CHN2: variants seen among roughly 807,000 people sequenced by gnomAD.
The protein encoded by CHN2 is chimerin 2.
CHN2 carries 35 observed loss-of-function variants against 56.3 expected under a neutral mutation model. The ratio of observed to expected loss-of-function variants is 0.62; its 90% CI spans 0.47 to 0.82. The LOEUF is 0.82. Ranked by LOEUF, CHN2 falls within the 40% of genes least tolerant of loss-of-function variation. CHN2 has a pLI of 0.00. For synonymous variants in CHN2, 210 were observed against 212.8 expected (o/e 0.99, Z 0.12); for missense variants, 491 against 580.5 (o/e 0.85, Z 1.58).
At chr7:29,248,698 T>C (rs1293406820) in intron 1 of CHN2, among the ~76,000 whole-genome samples, 1 of 152,214 alleles carries the variant, frequency 6.6e-6, no homozygotes, top group Non-Finnish European at 1.5e-5. Context: ...CTTACTTTTT[T>C]CCCAGTGCTT....
intron 6 of CHN2, among the ~76,000 whole-genome samples, chr7:29,471,447 C>G (rs1344967363): frequency 6.6e-6 from 1 of 152,186 alleles, no homozygotes; most frequent in East Asian, 1.9e-4. Context: ...AGGACAGCAA[C>G]TGTAGCATTG....
chr7:29,475,763 A>C lies in CHN2; in HGVS notation c.577-4516A>C, dbSNP rs554693270. ...GCTAAGTGAAATATCTAAAGAAAAA[A>C]GAAGCAGCCAGATATCAAAACCCAT... is the stretch of plus-strand genomic sequence containing the variant. On this transcript the variant is annotated intron_variant, in intron 6 of 12. Transcript: ENST00000222792. 2.0e-5 allele frequency among the ~76,000 whole-genome samples: 3 copies of C among 152,362 alleles called. No individual in the cohort carries two copies. In the East Asian group the frequency reaches 5.8e-4, roughly 29 times the overall value.
At chr7:29,356,373 A>G (rs1469787853) in intron 2 of CHN2, among the ~76,000 whole-genome samples, 1 of 152,224 alleles carries the variant, frequency 6.6e-6, no homozygotes, top group Non-Finnish European at 1.5e-5. Flanking sequence ...AAGCAATACA[A>G]AGCTACATAA....
intron 1 of CHN2, among the ~76,000 whole-genome samples, chr7:29,340,013 A>G (rs1388529208): frequency 6.6e-6 from 1 of 152,210 alleles, no homozygotes; most frequent in Non-Finnish European, 1.5e-5. Context: ...TAAAGTGTCC[A>G]GTGGCAGCAT....
chr7:29,414,661 C>G (rs139180685), intron 6 of CHN2, among the ~76,000 whole-genome samples: 1,666 of 152,218 alleles, frequency 0.011, 34 homozygotes, highest in African/African-American at 0.038. Context: ...TTTCTTGTCA[C>G]CCTGTCCCCC....
intron 1 of CHN2, among the ~76,000 whole-genome samples, chr7:29,285,489 C>A (rs563543590): frequency 6.6e-6 from 1 of 152,208 alleles, no homozygotes; most frequent in South Asian, 2.1e-4. Flanking sequence ...ACATAAAATA[C>A]GGCAAGCCTA....
At chr7:29,379,976 A>T (rs1800365314) in intron 3 of CHN2, among the ~76,000 whole-genome samples, 1 of 152,212 alleles carries the variant, frequency 6.6e-6, no homozygotes, top group Non-Finnish European at 1.5e-5. Flanking sequence ...GTAAAAAAAA[A>T]ATTAATAGAG....
At chr7:29,181,718 A>G (rs980426855) in intron 2 of CHN2, among the ~76,000 whole-genome samples, 1 of 152,242 alleles carries the variant, frequency 6.6e-6, no homozygotes, top group Non-Finnish European at 1.5e-5. Flanking sequence ...GAAAAACTAA[A>G]TAAAGTAGAC....
At chr7:29,265,793 C>G (rs1469514321) in intron 1 of CHN2, among the ~76,000 whole-genome samples, 1 of 152,066 alleles carries the variant, frequency 6.6e-6, no homozygotes, top group Non-Finnish European at 1.5e-5. Flanking sequence ...TACTGTAGTA[C>G]AGAGAGCATC....
At chr7:29,213,030 A>G (rs552120511) in intron 1 of CHN2, 2 of 1,600,626 alleles carry the variant, frequency 1.2e-6, no homozygotes, top group South Asian at 1.1e-5. Flanking sequence ...ATAACTGTGG[A>G]GAGGAATCTC....
chr7:29,166,336 G>A (rs1466074160), intron 2 of CHN2, among the ~76,000 whole-genome samples: 1 of 152,154 alleles, frequency 6.6e-6, no homozygotes, highest in Non-Finnish European at 1.5e-5. Context: ...AACATGGATA[G>A]CAAAGTGTTT....
intron 6 of CHN2, among the ~76,000 whole-genome samples, chr7:29,450,721 G>A (rs1784345203): frequency 6.6e-6 from 1 of 152,098 alleles, no homozygotes; most frequent in African/African-American, 2.4e-5. Flanking sequence ...AGCAGCCACA[G>A]AAAACTAATA....
intron 1 of CHN2, among the ~76,000 whole-genome samples, chr7:29,334,049 CTTTTTTTTTTTTTT>C (rs70980529): frequency 8.1e-6 from 1 of 123,138 alleles, no homozygotes; most frequent in Non-Finnish European, 1.7e-5. Context: ...AATTTCTTTT[CTTTTTTTTTTTTTT>C]TTTTTTGAGA....
At chr7:29,511,309 G>A (rs141155299) in intron 12 of CHN2, among the ~76,000 whole-genome samples, 1 of 149,240 alleles carries the variant, frequency 6.7e-6, no homozygotes, top group East Asian at 2.0e-4. Flanking sequence ...AGGAGTGCAA[G>A]TAATTTTTAG....
chr7:29,273,349 A>ATGTG (rs1562881828), intron 1 of CHN2, among the ~76,000 whole-genome samples: 13 of 58,508 alleles, frequency 2.2e-4, no homozygotes, highest in African/African-American at 5.2e-4. Flanking sequence ...ATGTGTATAT[A>ATGTG]TATATATATA....
At chr7:29,232,077 T>C (rs1239610600) in intron 1 of CHN2, among the ~76,000 whole-genome samples, 1 of 152,166 alleles carries the variant, frequency 6.6e-6, no homozygotes, top group Non-Finnish European at 1.5e-5. Flanking sequence ...AGGGCACGCT[T>C]TGACTACTGA....
intron 2 of CHN2, among the ~76,000 whole-genome samples, chr7:29,154,286 G>A (rs1452877043): frequency 6.6e-6 from 1 of 152,160 alleles, no homozygotes; most frequent in East Asian, 1.9e-4. Context: ...CAACAGCAGT[G>A]TAAATGCTGG....
At chr7:29,326,076 C>T (rs1795777298) in intron 1 of CHN2, among the ~76,000 whole-genome samples, 1 of 152,170 alleles carries the variant, frequency 6.6e-6, no homozygotes, top group Admixed American at 6.5e-5. Context: ...GGCTGTGTGT[C>T]CTATATGCAA....
At chr7:29,290,334 T>C (rs1194314234) in intron 1 of CHN2, among the ~76,000 whole-genome samples, 1 of 152,226 alleles carries the variant, frequency 6.6e-6, no homozygotes, top group Non-Finnish European at 1.5e-5. Context: ...CACCTGAAGC[T>C]TGTGTTTATC....
Sources: gnomAD v4.1 joint callset for allele counts (sites outside exome capture counted in the v4.1 genomes callset) on GRCh38, gnomAD v4.1.1 for gene constraint, MANE v1.5 for transcripts, NCBI Gene and HGNC (gene_info 2026-07-23, HGNC 2026-07-21) for gene names.